The following PTPRJ variants were observed in gnomAD, a reference collection of about 807,000 sequenced individuals.
PTPRJ encodes protein tyrosine phosphatase receptor type J, also known as receptor-type tyrosine-protein phosphatase eta.
In PTPRJ, 129 loss-of-function variants were observed where a neutral mutation model predicts 141.3. The observed-to-expected ratio is 0.91, with a 90% confidence interval of 0.79 to 1.06. The LOEUF (loss-of-function observed/expected upper bound fraction) is 1.06. Among genes scored for constraint, PTPRJ ranks in the 50% least tolerant of loss-of-function variants. The pLI is 0.00. For synonymous variants in PTPRJ, 610 were observed against 640.5 expected (o/e 0.95, Z 0.72); for missense variants, 1,601 against 1,679.7 (o/e 0.95, Z 0.82).
In PTPRJ at chr11:48,020,522, C is replaced by T. The variant is rs900381411; in HGVS notation, c.96+39514C>T. 2.0e-5 allele frequency among the ~76,000 whole-genome samples: 3 copies of T among 152,142 alleles called. No homozygotes were observed. The South Asian group carries it at 6.2e-4, about 31-fold the overall frequency. On this transcript the variant is annotated intron_variant, in intron 1 of 24. Transcript: ENST00000418331. Reference sequence around the variant, plus strand: ...CTTGTGAGAACCCTTGTACATCTGCCTCCATTAAACTCACATTTGGAGATC... The same window carrying T: ...CTTGTGAGAACCCTTGTACATCTGCTTCCATTAAACTCACATTTGGAGATC...
At chr11:48,040,695 G>T (rs1190422496) in intron 1 of PTPRJ, among the ~76,000 whole-genome samples, 1 of 149,942 alleles carries the variant, frequency 6.7e-6, no homozygotes, top group Non-Finnish European at 1.5e-5. Flanking sequence ...TCCGCCTCCT[G>T]GGTTCAAGCA....
intron 1 of PTPRJ, among the ~76,000 whole-genome samples, chr11:48,050,867 C>G (rs974669029): frequency 6.6e-6 from 1 of 152,090 alleles, no homozygotes; most frequent in Non-Finnish European, 1.5e-5. Flanking sequence ...CCGAGGTGCA[C>G]TGTGCCTCTT....
intron 8 of PTPRJ, among the ~76,000 whole-genome samples, chr11:48,134,065 C>T (rs931108642): frequency 6.6e-5 from 10 of 151,984 alleles, no homozygotes; most frequent in African/African-American, 2.2e-4. Flanking sequence ...TTGATGATAC[C>T]GAATTGTACA....
intron 1 of PTPRJ, among the ~76,000 whole-genome samples, chr11:48,107,936 T>C (rs778491457): frequency 1.7e-4 from 26 of 151,804 alleles, no homozygotes; most frequent in Admixed American, 2.0e-4. Context: ...ATAAAAAAAT[T>C]AGCTGGGCAT....
At chr11:48,144,587 C>T in intron 12 of PTPRJ, 88 bp from the exon 13 acceptor site, 1 of 1,065,964 alleles carries the variant, frequency 9.4e-7, no homozygotes, top group Non-Finnish European at 1.4e-6. Context: ...ATCACTATCA[C>T]CCAACATCAC....
At chr11:48,119,348 G>A (rs11603850) in intron 3 of PTPRJ, among the ~76,000 whole-genome samples, 107,958 of 152,154 alleles carry the variant, frequency 0.71, 39,834 homozygotes, top group South Asian at 0.83. Context: ...GGCACAAGAT[G>A]CTTCCCTGCT....
intron 1 of PTPRJ, among the ~76,000 whole-genome samples, chr11:48,008,073 G>C (rs1854673311): frequency 6.6e-6 from 1 of 152,136 alleles, no homozygotes; most frequent in Non-Finnish European, 1.5e-5. Flanking sequence ...GGCTGAATTG[G>C]GCTTTTAGGG....
In PTPRJ at chr11:48,128,692, G is replaced by A. The variant is rs138571698; in HGVS notation, c.1357+649G>A. Among the ~76,000 whole-genome samples the A allele has an allele frequency of 1.8e-4, 27 of 152,200 alleles. No individual in the cohort carries two copies. The East Asian group carries it at 4.8e-3, about 27-fold the overall frequency. On this transcript the variant is annotated intron_variant, in intron 7 of 24. Coordinates refer to ENST00000418331, the MANE Select transcript of PTPRJ (RefSeq NM_002843.4). ...ATTTATAGACACTGTAGTGGCCTCCGAGGTAGGTATTGGGGTCCCCTTTTA... is the reference window on the plus strand; with the variant it reads ...ATTTATAGACACTGTAGTGGCCTCCAAGGTAGGTATTGGGGTCCCCTTTTA...
chr11:47,995,693 A>G (rs903956057), intron 1 of PTPRJ, among the ~76,000 whole-genome samples: 7 of 152,200 alleles, frequency 4.6e-5, no homozygotes, highest in African/African-American at 1.7e-4. Context: ...TTGGGATTTC[A>G]TAGAGATCGA....
At chr11:48,059,498 G>GATTA (rs1854859952) in intron 1 of PTPRJ, among the ~76,000 whole-genome samples, 1 of 152,118 alleles carries the variant, frequency 6.6e-6, no homozygotes, top group Non-Finnish European at 1.5e-5. Context: ...AGGCTACAGG[G>GATTA]GGATGCTGGT....
chr11:48,033,064 A>G (rs1003875016), intron 1 of PTPRJ, among the ~76,000 whole-genome samples: 1 of 152,102 alleles, frequency 6.6e-6, no homozygotes, highest in African/African-American at 2.4e-5. Context: ...TTAAAAAAAA[A>G]AAAACAAGTC....
chr11:47,992,152 C>T (rs1373061231), intron 1 of PTPRJ, among the ~76,000 whole-genome samples: 2 of 151,488 alleles, frequency 1.3e-5, no homozygotes, highest in Non-Finnish European at 1.5e-5. Flanking sequence ...TAATCATGTA[C>T]GTTCATAGTA....
chr11:48,065,341 C>T (rs1331278996), intron 1 of PTPRJ, among the ~76,000 whole-genome samples: 1 of 152,088 alleles, frequency 6.6e-6, no homozygotes, highest in East Asian at 1.9e-4. Flanking sequence ...AGTCCTCCCT[C>T]CTCTAAGCCC....
At chr11:48,080,251 A>G (rs1234800887) in intron 1 of PTPRJ, among the ~76,000 whole-genome samples, 1 of 152,196 alleles carries the variant, frequency 6.6e-6, no homozygotes. Context: ...TTTTATTATT[A>G]CTATGGAACA....
intron 1 of PTPRJ, among the ~76,000 whole-genome samples, chr11:48,005,991 G>C (rs1165883951): frequency 6.6e-6 from 1 of 152,232 alleles, no homozygotes; most frequent in Admixed American, 6.5e-5. Context: ...CGATTGCAGT[G>C]GTCTTGGCTG....
chr11:48,146,499 A>G (rs1462262490), intron 14 of PTPRJ, among the ~76,000 whole-genome samples: 1 of 152,196 alleles, frequency 6.6e-6, no homozygotes, highest in Non-Finnish European at 1.5e-5. Context: ...ATGCTGCTGT[A>G]GGTACCTCTG....
In PTPRJ at chr11:48,161,970, G is replaced by A. The variant is rs371384349; in HGVS notation, c.3559-1488G>A. On this transcript the variant is annotated intron_variant, in intron 22 of 24. Transcript: ENST00000418331. ...TGAACTGACTGGCTTCTCCTTGGTT[G>A]CCTCCACTGCTTGGGGCTTACCTTG... Among the ~76,000 whole-genome samples, 179 of 152,222 alleles carry A rather than the reference G, an allele frequency of 1.2e-3. 10 individuals are homozygous for A. The South Asian group carries it at 0.036, about 31-fold the overall frequency.
intron 1 of PTPRJ, among the ~76,000 whole-genome samples, chr11:48,013,848 G>A (rs577812054): frequency 6.5e-4 from 99 of 152,294 alleles, no homozygotes; most frequent in African/African-American, 2.0e-3. Flanking sequence ...TGCCCTCCCA[G>A]TGGTGATGAA....
At chr11:48,063,256 A>T (rs780260862) in intron 1 of PTPRJ, among the ~76,000 whole-genome samples, 7 of 152,082 alleles carry the variant, frequency 4.6e-5, no homozygotes, top group Admixed American at 1.3e-4. Context: ...TGAATTTGGG[A>T]GGTGGAGGTT....
Sources: gnomAD v4.1 joint callset for allele counts (sites outside exome capture counted in the v4.1 genomes callset) on GRCh38, gnomAD v4.1.1 for gene constraint, MANE v1.5 for transcripts, NCBI Gene and HGNC (gene_info 2026-07-23, HGNC 2026-07-21) for gene names.